The following RAD54B variants were observed in gnomAD, a reference collection of about 807,000 sequenced individuals.
RAD54B encodes RAD54 homolog B, also known as DNA repair and recombination protein RAD54B.
Under a neutral mutation model 95.8 loss-of-function variants are expected in RAD54B, and 78 were observed. The ratio of observed to expected loss-of-function variants is 0.81; its 90% confidence interval spans 0.68 to 0.98. The LOEUF is 0.98. RAD54B is among the 50% of genes least tolerant of loss of function. The pLI is 0.00. For synonymous variants in RAD54B, 328 were observed against 354.9 expected, an observed-to-expected ratio of 0.92 and a Z score of 0.85; for missense variants, 957 against 1,056.6, an observed-to-expected ratio of 0.91 and a Z score of 1.31.
At chr8:94,439,728 T>A (rs1190987291) in intron 3 of RAD54B, among the ~76,000 whole-genome samples, 1 of 152,232 alleles carries the variant, frequency 6.6e-6, no homozygotes, top group African/African-American at 2.4e-5. Context: ...AAACGTTTTC[T>A]GGTTTACAAT....
intron 6 of RAD54B, 70 bp from the exon 7 acceptor site, chr8:94,400,533 A>T: frequency 8.0e-7 from 1 of 1,257,678 alleles, no homozygotes; most frequent in Admixed American, 2.6e-5. Flanking sequence ...ATCATCAAGA[A>T]CCAGAAACTG....
chr8:94,377,908 G>A (rs1225416109), intron 14 of RAD54B, among the ~76,000 whole-genome samples: 3 of 147,472 alleles, frequency 2.0e-5, no homozygotes, highest in African/African-American at 7.5e-5. Flanking sequence ...CCCGGGAGGC[G>A]GAGCTTGCAG....
At chr8:94,455,986 A>G (rs1212130745) in intron 3 of RAD54B, among the ~76,000 whole-genome samples, 9 of 152,160 alleles carry the variant, frequency 5.9e-5, no homozygotes, top group Non-Finnish European at 2.9e-5. Flanking sequence ...TCTTTAGGAG[A>G]CACAATTGAA....
chr8:94,427,231 ATATTTT>A (rs201709457), intron 3 of RAD54B, among the ~76,000 whole-genome samples: 53 of 152,108 alleles, frequency 3.5e-4, no homozygotes, highest in Middle Eastern at 7.0e-3. Flanking sequence ...GATATGAGCG[ATATTTT>A]TATTTTTATT....
At chr8:94,396,512 C>CT (rs1332817126) in intron 8 of RAD54B, among the ~76,000 whole-genome samples, 1 of 152,018 alleles carries the variant, frequency 6.6e-6, no homozygotes, top group Admixed American at 6.6e-5. Flanking sequence ...ACAGAAAGCT[C>CT]TGAGAGCTTT....
chr8:94,433,062 C>A (rs555243542), intron 3 of RAD54B, among the ~76,000 whole-genome samples: 84 of 152,238 alleles, frequency 5.5e-4, no homozygotes, highest in African/African-American at 1.8e-3. Context: ...TAGCCCTAGA[C>A]CTCAGGCTTC....
chr8:94,398,332 A>G (rs1168067053), intron 8 of RAD54B, among the ~76,000 whole-genome samples: 1 of 152,132 alleles, frequency 6.6e-6, no homozygotes, highest in East Asian at 1.9e-4. Context: ...ACAAATTGGA[A>G]GTCAAATCAT....
intron 3 of RAD54B, chr8:94,429,420 G>T: frequency 1.1e-6 from 1 of 907,106 alleles, no homozygotes; most frequent in African/African-American, 1.8e-5. Context: ...CTCTTTTCTA[G>T]AAACATCTCA....
intron 14 of RAD54B, among the ~76,000 whole-genome samples, chr8:94,377,007 C>T (rs1195176392): frequency 6.6e-6 from 1 of 152,050 alleles, no homozygotes; most frequent in Admixed American, 6.6e-5. Flanking sequence ...ACATTGATTG[C>T]TCAAGTCCTA....
chr8:94,394,429 G>A (rs531532551), intron 8 of RAD54B, among the ~76,000 whole-genome samples: 7 of 151,850 alleles, frequency 4.6e-5, no homozygotes, highest in African/African-American at 1.7e-4. Context: ...ATTTATAAAC[G>A]TATAAAGATA....
chr8:94,433,729 A>C (rs1812183320), intron 3 of RAD54B, among the ~76,000 whole-genome samples: 1 of 151,882 alleles, frequency 6.6e-6, no homozygotes, highest in Non-Finnish European at 1.5e-5. Flanking sequence ...CTTCTGCCTA[A>C]CTTAAAAATA....
intron 11 of RAD54B, among the ~76,000 whole-genome samples, chr8:94,385,665 C>T (rs1810873274): frequency 6.6e-6 from 1 of 152,184 alleles, no homozygotes; most frequent in South Asian, 2.1e-4. Flanking sequence ...CCTCCGATGC[C>T]TGGCCTCGAG....
At chr8:94,411,881 T>A (rs1811538188) in intron 3 of RAD54B, among the ~76,000 whole-genome samples, 1 of 152,148 alleles carries the variant, frequency 6.6e-6, no homozygotes. Context: ...CTTTTTGTGG[T>A]GAAAACATTT....
intron 3 of RAD54B, among the ~76,000 whole-genome samples, chr8:94,444,054 G>A (rs1406174793): frequency 6.6e-6 from 1 of 151,846 alleles, no homozygotes; most frequent in African/African-American, 2.4e-5. Flanking sequence ...TAAATTTTAT[G>A]CTTATGAAAT....
intron 3 of RAD54B, chr8:94,430,678 G>A: frequency 1.2e-6 from 1 of 806,044 alleles, no homozygotes; most frequent in Non-Finnish European, 1.5e-6. Context: ...GGCTCAGTGA[G>A]GCCCACTCAC....
chr8:94,400,500 G>A, intron 6 of RAD54B, 37 bp from the exon 7 acceptor site: 1 of 1,501,402 alleles, frequency 6.7e-7, no homozygotes, highest in South Asian at 1.2e-5. Context: ...AATCACAATA[G>A]AAAAATATTT....
At chr8:94,418,403 C>T (rs1811725087) in intron 3 of RAD54B, among the ~76,000 whole-genome samples, 1 of 152,202 alleles carries the variant, frequency 6.6e-6, no homozygotes, top group South Asian at 2.1e-4. Flanking sequence ...CACTTCATTA[C>T]ACCCATTACA....
chr8:94,458,476 C>T (rs1812828251), intron 2 of RAD54B, 40 bp from the exon 3 acceptor site: 6 of 1,432,012 alleles, frequency 4.2e-6, no homozygotes, highest in Non-Finnish European at 4.7e-6. Flanking sequence ...GAACTCAAAC[C>T]TAATTTTCTG....
At chr8:94,432,793 A>C in intron 3 of RAD54B, 1 of 1,148,312 alleles carries the variant, frequency 8.7e-7, no homozygotes. Flanking sequence ...AAAAAATCTT[A>C]AACACTTGAA....
Sources: gnomAD v4.1 joint callset for allele counts (sites outside exome capture counted in the v4.1 genomes callset) on GRCh38, gnomAD v4.1.1 for gene constraint, MANE v1.5 for transcripts, NCBI Gene and HGNC (gene_info 2026-07-23, HGNC 2026-07-21) for gene names.